Variants in PDE4B observed in about 807,000 individuals in gnomAD.
The protein encoded by PDE4B is 3',5'-cyclic-AMP phosphodiesterase 4B.
Under a neutral mutation model 82.2 loss-of-function variants are expected in PDE4B, and 20 were observed. The ratio of observed to expected loss-of-function variants is 0.24; its 90% CI spans 0.17 to 0.35. PDE4B has a LOEUF of 0.35. Among genes scored for constraint, PDE4B ranks in the 10% least tolerant of loss-of-function variants. The pLI, the probability that PDE4B is intolerant of heterozygous loss-of-function variation, is 1.00. For missense variants in PDE4B, 655 were observed against 907.2 expected, an observed-to-expected ratio of 0.72 and a Z score of 3.57; for synonymous variants, 320 against 318.9, an observed-to-expected ratio of 1.00 and a Z score of -0.04.
chr1:66,038,675 T>C (rs1244544985), intron 3 of PDE4B, among the ~76,000 whole-genome samples: 3 of 152,080 alleles, frequency 2.0e-5, no homozygotes, highest in Non-Finnish European at 4.4e-5. Context: ...AAGATACTTG[T>C]GATTGTTTTG....
At chr1:66,320,363 A>G (rs553504410) in intron 7 of PDE4B, among the ~76,000 whole-genome samples, 2 of 152,328 alleles carry the variant, frequency 1.3e-5, no homozygotes, top group African/African-American at 4.8e-5. Flanking sequence ...ATTTTGCAGA[A>G]GTGCTATTGA....
intron 3 of PDE4B, among the ~76,000 whole-genome samples, chr1:65,963,152 C>CT (rs1287730259): frequency 1.3e-5 from 2 of 152,152 alleles, no homozygotes; most frequent in Non-Finnish European, 2.9e-5. Flanking sequence ...ACTGCCTTAC[C>CT]TAAAGTACTC....
At chr1:65,795,449 T>C (rs1454621135) in intron 1 of PDE4B, among the ~76,000 whole-genome samples, 2 of 152,244 alleles carry the variant, frequency 1.3e-5, no homozygotes, top group Non-Finnish European at 2.9e-5. Context: ...GCACTGGCTA[T>C]TGTAGCCACC....
At chr1:65,940,112 G>T (rs1648361242) in intron 3 of PDE4B, among the ~76,000 whole-genome samples, 2 of 152,136 alleles carry the variant, frequency 1.3e-5, no homozygotes, top group Admixed American at 1.3e-4. Flanking sequence ...AGACAAGTTT[G>T]CTACGGAAGT....
intron 3 of PDE4B, among the ~76,000 whole-genome samples, chr1:65,929,613 A>G (rs768193338): frequency 2.0e-5 from 3 of 152,194 alleles, no homozygotes; most frequent in Non-Finnish European, 2.9e-5. Flanking sequence ...TTTGCTTCTG[A>G]AGCCAGGAGA....
intron 2 of PDE4B, among the ~76,000 whole-genome samples, chr1:65,913,891 A>G (rs1647125903): frequency 6.6e-6 from 1 of 152,148 alleles, no homozygotes; most frequent in Admixed American, 6.5e-5. Context: ...CCTACAAATC[A>G]GACTATATTT....
chr1:65,817,905 C>T (rs1175902638), intron 1 of PDE4B, among the ~76,000 whole-genome samples: 1 of 151,972 alleles, frequency 6.6e-6, no homozygotes, highest in African/African-American at 2.4e-5. Context: ...TATTTTTATT[C>T]TTAAAAAATT....
intron 3 of PDE4B, chr1:65,992,940 G>A: frequency 6.2e-7 from 1 of 1,613,828 alleles, no homozygotes; most frequent in Non-Finnish European, 8.5e-7. Flanking sequence ...GGAACTTACT[G>A]CTTCTGAACC....
intron 3 of PDE4B, among the ~76,000 whole-genome samples, chr1:65,974,303 A>G (rs890229616): frequency 6.6e-6 from 1 of 152,232 alleles, no homozygotes; most frequent in South Asian, 2.1e-4. Flanking sequence ...ATTTGTAATT[A>G]TCATGGATTG....
intron 4 of PDE4B, among the ~76,000 whole-genome samples, chr1:66,257,188 G>T (rs141964740): frequency 6.6e-6 from 1 of 152,222 alleles, no homozygotes; most frequent in African/African-American, 2.4e-5. Context: ...TGTTTAAATG[G>T]CATTAAAGCT....
chr1:66,363,660 C>T, intron 12 of PDE4B, 89 bp downstream of exon 12: 1 of 1,070,344 alleles, frequency 9.3e-7, no homozygotes, highest in Middle Eastern at 2.4e-4. Context: ...GCCTGTAGTC[C>T]TAGCTACTCG....
At chr1:66,194,971 T>C (rs1357157180) in intron 3 of PDE4B, among the ~76,000 whole-genome samples, 6 of 152,172 alleles carry the variant, frequency 3.9e-5, no homozygotes, top group African/African-American at 1.4e-4. Flanking sequence ...TTACCATTAG[T>C]AATTTTAAAA....
intron 3 of PDE4B, among the ~76,000 whole-genome samples, chr1:65,944,747 G>T (rs1242091174): frequency 6.6e-6 from 1 of 151,844 alleles, no homozygotes; most frequent in Non-Finnish European, 1.5e-5. Flanking sequence ...TAAAATAAAG[G>T]CAGGAAGTGT....
chr1:66,084,308 A>G (rs1367685181), intron 3 of PDE4B, among the ~76,000 whole-genome samples: 1 of 152,170 alleles, frequency 6.6e-6, no homozygotes, highest in Non-Finnish European at 1.5e-5. Context: ...TGTATTGTTC[A>G]GAAGATAAAA....
chr1:66,007,821 T>A (rs1252232467), intron 3 of PDE4B, among the ~76,000 whole-genome samples: 1 of 152,190 alleles, frequency 6.6e-6, no homozygotes, highest in Non-Finnish European at 1.5e-5. Flanking sequence ...TTAGTCTTCA[T>A]CTCCATTTGC....
At chr1:65,999,866 T>C (rs1055607065) in intron 3 of PDE4B, among the ~76,000 whole-genome samples, 2 of 152,194 alleles carry the variant, frequency 1.3e-5, no homozygotes, top group African/African-American at 4.8e-5. Context: ...TATAGCTTGA[T>C]ATGATGGAAA....
chr1:65,920,082 A>G (rs1387350132), intron 3 of PDE4B, among the ~76,000 whole-genome samples: 1 of 152,230 alleles, frequency 6.6e-6, no homozygotes, highest in Non-Finnish European at 1.5e-5. Context: ...CCCCTATAGG[A>G]TACTCAATCA....
intron 3 of PDE4B, among the ~76,000 whole-genome samples, chr1:65,990,218 A>G (rs1254806337): frequency 6.6e-6 from 1 of 152,182 alleles, no homozygotes; most frequent in Non-Finnish European, 1.5e-5. Flanking sequence ...TAATAATTGG[A>G]AAGTAATTAT....
rs374272062 is a variant in PDE4B, at chr1:65,893,042, G to A, written c.-70-20203G>A. Reference sequence around the variant, plus strand: ...TTTATTGTACCCCCTAAAGGAGGAAGAAATGAATTGATGGGTGGTGATTGT... The same window carrying A: ...TTTATTGTACCCCCTAAAGGAGGAAAAAATGAATTGATGGGTGGTGATTGT... On this transcript the variant is annotated intron_variant, in intron 1 of 16. Coordinates refer to ENST00000341517, the MANE Select transcript of PDE4B (RefSeq NM_002600.4). 4.6e-5 allele frequency among the ~76,000 whole-genome samples: 7 copies of A among 152,134 alleles called. No individual in the cohort carries two copies. In the South Asian group the frequency reaches 1.5e-3, roughly 32 times the overall value.
Sources: allele counts gnomAD v4.1 joint callset (sites outside exome capture counted in the v4.1 genomes callset), GRCh38; gene constraint gnomAD v4.1.1; transcripts MANE v1.5; gene names NCBI Gene and HGNC (gene_info 2026-07-23, HGNC 2026-07-21).